Variants in PLXNA4 observed in about 807,000 individuals in gnomAD.
The protein encoded by PLXNA4 is plexin-A4.
In PLXNA4, 44 loss-of-function variants were observed where a neutral mutation model predicts 191.8. That is an observed-to-expected ratio of 0.23 (90% CI 0.18 to 0.29). The LOEUF is 0.29. PLXNA4 is among the 10% of genes least tolerant of loss of function. PLXNA4 has a pLI of 1.00. For missense variants in PLXNA4, 1,800 were observed against 2,488.8 expected (o/e 0.72, Z 5.89); for synonymous variants, 1,082 against 1,009.5 (o/e 1.07, Z -1.36).
At chr7:132,548,855 A>G (rs1258295967) in intron 1 of PLXNA4, among the ~76,000 whole-genome samples, 1 of 152,134 alleles carries the variant, frequency 6.6e-6, no homozygotes, top group East Asian at 1.9e-4. Flanking sequence ...AGCTGGCCAA[A>G]ACTCACCAAA....
chr7:132,359,262 C>T (rs4728255), intron 3 of PLXNA4, among the ~76,000 whole-genome samples: 30,085 of 144,072 alleles, frequency 0.21, 3,767 homozygotes, highest in East Asian at 0.39. Context: ...TGCTTTGTCA[C>T]GCAGGCTGGA....
intron 30 of PLXNA4, among the ~76,000 whole-genome samples, chr7:132,139,450 C>T (rs1795203522): frequency 6.6e-6 from 1 of 152,198 alleles, no homozygotes; most frequent in South Asian, 2.1e-4. Context: ...ATCTGAGCTT[C>T]CCTCTAGGTT....
chr7:132,477,489 T>A (rs932735668), intron 3 of PLXNA4, among the ~76,000 whole-genome samples: 3 of 152,132 alleles, frequency 2.0e-5, no homozygotes, highest in African/African-American at 7.2e-5. Context: ...CAGCCCAGGG[T>A]GCACATGAAC....
intron 3 of PLXNA4, among the ~76,000 whole-genome samples, chr7:132,341,169 G>A (rs1263809183): frequency 1.3e-5 from 2 of 152,182 alleles, no homozygotes; most frequent in Non-Finnish European, 2.9e-5. Flanking sequence ...AATTCTATCT[G>A]AGGATAATTG....
chr7:132,201,383 G>T (rs1480410051), intron 12 of PLXNA4, among the ~76,000 whole-genome samples: 1 of 152,196 alleles, frequency 6.6e-6, no homozygotes, highest in South Asian at 2.1e-4. Flanking sequence ...GGGTGTAAAG[G>T]TGTGGTGCAA....
Position 132,508,880 on chromosome 7 carries a change from A to T in PLXNA4, c.-86-101T>A. Reference sequence around the variant, plus strand: ...CTTTCAAAATGTTCTGCACACACTGAGCAGAACTGCACTGGGGGGTGCTGG... The same window carrying T: ...CTTTCAAAATGTTCTGCACACACTGTGCAGAACTGCACTGGGGGGTGCTGG... On this transcript the variant is annotated intron_variant, in intron 1 of 31. Coordinates refer to ENST00000321063, the MANE Select transcript of PLXNA4 (RefSeq NM_020911.2). This position sits in a 1 kb window ranked among gnomAD's most constrained non-coding sequence, Gnocchi z 4.4. 5.9e-6 allele frequency: 7 copies of T among 1,182,266 alleles called. No individual in the cohort carries two copies. Among genetic ancestry groups the T allele is most frequent in the Non-Finnish European group, 8.0e-6 (7 of 875,676 alleles). 73.2% of individuals were successfully genotyped at this position (1,182,266 alleles called of 1,614,324 possible). A position where few individuals can be genotyped will look rare whatever the true frequency, so the allele number is the denominator to read the frequency against.
At chr7:132,349,802 C>T (rs929853238) in intron 3 of PLXNA4, among the ~76,000 whole-genome samples, 1 of 152,084 alleles carries the variant, frequency 6.6e-6, no homozygotes, top group Non-Finnish European at 1.5e-5. Context: ...AATAAAACTC[C>T]AATTTCTGTA....
intron 2 of PLXNA4, among the ~76,000 whole-genome samples, chr7:132,604,130 T>C (rs1347299810): frequency 2.2e-5 from 1 of 44,904 alleles, no homozygotes; most frequent in Non-Finnish European, 2.2e-4. Context: ...CTGACTCCAC[T>C]ACCCCTCTGT....
At chr7:132,586,309 T>C (rs1802503660) in intron 2 of PLXNA4, among the ~76,000 whole-genome samples, 1 of 152,216 alleles carries the variant, frequency 6.6e-6, no homozygotes, top group Non-Finnish European at 1.5e-5. Flanking sequence ...AATGTAAGTA[T>C]TTGCAATCCT....
chr7:132,507,589 C>T lies in PLXNA4; in HGVS notation c.1105G>A (p.Glu369Lys). The stretch of plus-strand genomic sequence containing the variant: ...CCCCGGTAACAAGACTGCAGCCGCT[C>T]CTTAATGCGGTCATTTATCTGCTTC... ...ILKQINDRIK[E>K]RLQSCYRGEG... Residue 369 changes from glutamate to lysine, a missense_variant, in exon 2 of 32, where the codon GAG becomes AAG. Around this residue, in one of 6 missense-constraint regions of PLXNA4, gnomAD observed 1,397 missense variants for 1,880.4 expected, o/e 0.74. Coordinates refer to ENST00000321063, the MANE Select transcript of PLXNA4 (RefSeq NM_020911.2). 1 of 1,614,174 alleles carries T rather than the reference C, an allele frequency of 6.2e-7. No homozygotes were observed.
chr7:132,630,008 C>A (rs1031487919), intron 2 of PLXNA4, among the ~76,000 whole-genome samples: 2 of 152,120 alleles, frequency 1.3e-5, no homozygotes, highest in Non-Finnish European at 2.9e-5. Flanking sequence ...CACCACCACG[C>A]CTGGCTAATT....
At chr7:132,230,166 G>T (rs560861991) in intron 5 of PLXNA4, among the ~76,000 whole-genome samples, 1 of 152,148 alleles carries the variant, frequency 6.6e-6, no homozygotes. Context: ...ATTGTCTAGC[G>T]TTTAAGTCTC....
intron 4 of PLXNA4, among the ~76,000 whole-genome samples, chr7:132,257,794 C>A (rs920894218): frequency 6.6e-6 from 1 of 152,148 alleles, no homozygotes; most frequent in Non-Finnish European, 1.5e-5. Context: ...GTTTACTAGG[C>A]CATGTTTTCC....
chr7:132,220,976 C>CTTAA, intron 9 of PLXNA4, among the ~76,000 whole-genome samples: 1 of 151,004 alleles, frequency 6.6e-6, no homozygotes, highest in East Asian at 2.0e-4. Context: ...CCATGCCCAG[C>CTTAA]TTACTTACTT....
rs879096607 is a variant in PLXNA4, at chr7:132,561,501, C to T, written c.-87+14921G>A. Among the ~76,000 whole-genome samples the T allele has an allele frequency of 9.0e-5, 12 of 132,700 alleles. No homozygotes were observed. The South Asian group carries it at 3.2e-3, about 35-fold the overall frequency. The allele number at this position is 132,700 out of a possible 152,430, so 87.1% of individuals were successfully genotyped here. ...TCTTCTCCTCCTCCTTTCTCCTCCC[C>T]CACCTCCTCCTCCTCCTTCTCCTCC... is the stretch of plus-strand genomic sequence containing the variant. On this transcript the variant is annotated intron_variant, in intron 1 of 31. Transcript: ENST00000321063.
chr7:132,515,116 G>A (rs894396037), intron 1 of PLXNA4, among the ~76,000 whole-genome samples: 2 of 124,308 alleles, frequency 1.6e-5, no homozygotes, highest in Non-Finnish European at 3.8e-5. Context: ...TTTGGATAGG[G>A]ATACTAGGGG....
At chr7:132,243,066 G>C (rs1798934197) in intron 4 of PLXNA4, among the ~76,000 whole-genome samples, 1 of 152,074 alleles carries the variant, frequency 6.6e-6, no homozygotes, top group Admixed American at 6.6e-5. Flanking sequence ...AACTGTTGCT[G>C]TTTTATGTTT....
At chr7:132,578,718 T>A (rs1802344407), upstream of PLXNA4, among the ~76,000 whole-genome samples, 1 of 152,122 alleles carries the variant, frequency 6.6e-6, no homozygotes, top group Non-Finnish European at 1.5e-5. Flanking sequence ...AAACCACATG[T>A]TTGATTCTTT....
chr7:132,572,553 T>G (rs1802026977), intron 1 of PLXNA4, among the ~76,000 whole-genome samples: 1 of 152,100 alleles, frequency 6.6e-6, no homozygotes, highest in Non-Finnish European at 1.5e-5. Context: ...GGAAGCAGCC[T>G]CCTCCTTCAG....
Sources: allele counts gnomAD v4.1 joint callset (sites outside exome capture counted in the v4.1 genomes callset), GRCh38; gene constraint gnomAD v4.1.1; regional missense constraint gnomAD v4.1.1; non-coding constraint Gnocchi (gnomAD v3.1); transcripts MANE v1.5; gene names NCBI Gene and HGNC (gene_info 2026-07-23, HGNC 2026-07-21).